The following CHD5 variants were observed in gnomAD, a reference collection of about 807,000 sequenced individuals.
CHD5 encodes the protein ATP-dependent chromatin remodeler CHD5.
A neutral mutation model predicts 230.3 loss-of-function variants in CHD5; 69 were observed. That is an observed-to-expected ratio of 0.30 (90% CI 0.25 to 0.37). The LOEUF (loss-of-function observed/expected upper bound fraction) is 0.37, where lower values mean the gene tolerates loss of function less well. Among genes scored for constraint, CHD5 ranks in the 10% least tolerant of loss-of-function variants. The pLI is 1.00. For missense variants in CHD5, 1,827 were observed against 2,622.8 expected (o/e 0.70, Z 6.63); for synonymous variants, 1,064 against 1,065.9 (o/e 1.00, Z 0.03).
rs1380168131 is a variant in CHD5, at chr1:6,129,900, T to C, written c.3387+304A>G. Among the ~76,000 whole-genome samples, 1 of 151,986 alleles carries C rather than the reference T, an allele frequency of 6.6e-6. No homozygotes were observed. The highest frequency in any genetic ancestry group is 2.4e-5 in the African/African-American group (1 of 41,360). On this transcript the variant is annotated intron_variant, in intron 22 of 41. Coordinates refer to ENST00000262450, the MANE Select transcript of CHD5 (RefSeq NM_015557.3). This position sits in a 1 kb window ranked among gnomAD's most constrained non-coding sequence, Gnocchi z 6.8. ...TTCCTGCCTCCCTCCACGGCCTTGG[T>C]CCTGAGGATGATGGGAAAGACCAGA...
At chr1:6,137,528 T>G (rs1374110706) in intron 15 of CHD5, among the ~76,000 whole-genome samples, 2 of 152,012 alleles carry the variant, frequency 1.3e-5, no homozygotes, top group Non-Finnish European at 2.9e-5. Context: ...GAGAGAGATC[T>G]CTCTATGTTA....
chr1:6,139,231 G>T (rs912909143), intron 15 of CHD5, among the ~76,000 whole-genome samples: 1 of 151,134 alleles, frequency 6.6e-6, no homozygotes, highest in Non-Finnish European at 1.5e-5. Flanking sequence ...TTGTTGTTTT[G>T]TTGTTGTTGT....
chr1:6,110,605 A>C, intron 36 of CHD5, 79 bp from the exon 37 acceptor site: 55 of 638,396 alleles, frequency 8.6e-5, no homozygotes, highest in Non-Finnish European at 1.2e-4. Context: ...AGGGAGGGGG[A>C]GGGGCCAGCC....
chr1:6,134,285 A>C lies in CHD5; in HGVS notation c.3013-26T>G. On this transcript the variant is annotated intron_variant, in intron 19 of 41. Coordinates refer to ENST00000262450, the MANE Select transcript of CHD5 (RefSeq NM_015557.3). The surrounding 1 kb of genome is among the most constrained non-coding windows in gnomAD (Gnocchi z 6.3). Reference sequence around the variant, plus strand: ...CTGCAGACACAGCAGGAGGTGGGGCATTGGTGGGCTCCCCTCTCCTCTCTG... The same window carrying C: ...CTGCAGACACAGCAGGAGGTGGGGCCTTGGTGGGCTCCCCTCTCCTCTCTG... The C allele has an allele frequency of 6.2e-7, 1 of 1,609,532 alleles. No homozygotes were observed. Among genetic ancestry groups the C allele is most frequent in the Non-Finnish European group, 8.5e-7 (1 of 1,179,624 alleles).
At chr1:6,160,686 C>T (rs1571167909) in intron 2 of CHD5, among the ~76,000 whole-genome samples, 1 of 152,280 alleles carries the variant, frequency 6.6e-6, no homozygotes, top group African/African-American at 2.4e-5. Context: ...CACAAGCCCA[C>T]CTTCCCCCTC....
intron 2 of CHD5, among the ~76,000 whole-genome samples, chr1:6,160,772 A>G (rs981560627): frequency 4.6e-5 from 7 of 152,294 alleles, no homozygotes; most frequent in African/African-American, 1.7e-4. Context: ...GGCTTCCTTG[A>G]TTTAGTTTCC....
At chr1:6,173,549 T>TC (rs1667372342) in intron 1 of CHD5, among the ~76,000 whole-genome samples, 1 of 152,064 alleles carries the variant, frequency 6.6e-6, no homozygotes, top group African/African-American at 2.4e-5. Flanking sequence ...GCAAGTCCCC[T>TC]CCCCACTGAG....
At position 6,146,762 on chromosome 1, in the gene CHD5, G is replaced by A. The variant is rs745478057; in HGVS notation, c.1493C>T (p.Pro498Leu). 8.1e-6 allele frequency: 13 copies of A among 1,607,970 alleles called. No homozygotes were observed. The Admixed American group carries it at 1.8e-4, about 23-fold the overall frequency. Reference sequence around the variant, plus strand: ...GATGCCCTCCAGGGGCTTAGGTGGAGGGAGGCTGGGCTCCACGTCAGGCCC... The same window carrying A: ...GATGCCCTCCAGGGGCTTAGGTGGAAGGAGGCTGGGCTCCACGTCAGGCCC... The part of the protein sequence containing the change: ...LPGPDVEPSL[P>L]PPKPLEGIPE... The change falls in exon 10 of 42, where the codon CCT becomes CTT. Residue 498 changes from proline (P) to leucine (L), a missense_variant. Around this residue, in one of 14 missense-constraint regions of CHD5, gnomAD observed 657 missense variants for 816.4 expected, o/e 0.80. Coordinates refer to ENST00000262450, the MANE Select transcript of CHD5 (RefSeq NM_015557.3). The surrounding 1 kb of genome is among the most constrained non-coding windows in gnomAD (Gnocchi z 5.1).
At chr1:6,156,874 G>A (rs1365029798) in intron 3 of CHD5, among the ~76,000 whole-genome samples, 2 of 152,352 alleles carry the variant, frequency 1.3e-5, no homozygotes, top group Middle Eastern at 3.4e-3. Flanking sequence ...GGGCTGGCGG[G>A]GCTCAGAAAG....
chr1:6,150,414 GTGGATGGATGGATGATAGGATGGA>G (rs1272807905), intron 7 of CHD5, among the ~76,000 whole-genome samples: 3 of 135,894 alleles, frequency 2.2e-5, no homozygotes, highest in East Asian at 2.4e-4. Context: ...GGATGGACAA[GTGGATGGATGGATGATAGGATGGA>G]TGGATGGATG....
At chr1:6,115,109 G>A (rs968607158) in intron 33 of CHD5, among the ~76,000 whole-genome samples, 1 of 151,792 alleles carries the variant, frequency 6.6e-6, no homozygotes, top group Non-Finnish European at 1.5e-5. Flanking sequence ...TCAGGAGATC[G>A]AGACCATCCT....
chr1:6,136,517 T>C lies in CHD5; in HGVS notation c.2696A>G (p.Asn899Ser), dbSNP rs1169458140. Residue 899 changes from asparagine to serine, a missense_variant and splice_region_variant, in exon 17 of 42, where the codon AAC becomes AGC. By Grantham distance (46) the Asn-to-Ser change is conservative. This residue lies in a region of CHD5 where 52 missense variants were observed against 164.5 expected (regional missense o/e 0.32). Coordinates refer to ENST00000262450, the MANE Select transcript of CHD5 (RefSeq NM_015557.3). ...LLNFLTPERF[N>S]NLEGFLEEFA... ...CCCTAGCCAGATCCAGGTGACTCAC[T>C]TGAACCTCTCTGGAGTCAGGAAGTT... 1.2e-6 allele frequency: 2 copies of C among 1,613,500 alleles called. No homozygotes were observed. The highest frequency in any genetic ancestry group is 1.7e-6 in the Non-Finnish European group (2 of 1,179,980).
At position 6,167,979 on chromosome 1, in the gene CHD5, C is replaced by T. The variant is rs1667281037; in HGVS notation, c.207+171G>A. On this transcript the variant is annotated intron_variant, in intron 2 of 41. Transcript: ENST00000262450. This position sits in a 1 kb window ranked among gnomAD's most constrained non-coding sequence, Gnocchi z 4.5. Reference sequence around the variant, plus strand: ...GCTCAGCAACGTCTTAAAAAGGCTTCCGTGCACAACGCTTCATACGAGAAA... The same window carrying T: ...GCTCAGCAACGTCTTAAAAAGGCTTTCGTGCACAACGCTTCATACGAGAAA... Among the ~76,000 whole-genome samples, 1 of 152,192 alleles carries T rather than the reference C, an allele frequency of 6.6e-6. No individual in the cohort carries two copies. Among genetic ancestry groups the T allele is most frequent in the Non-Finnish European group, 1.5e-5 (1 of 68,036 alleles).
In CHD5 at chr1:6,179,370, G is replaced by T. The variant is rs1003338614; in HGVS notation, c.79+575C>A. ...CCAGGAAAGAGGAGCAGGGGTCCGA[G>T]CCCGTGCGTCCCAGAGCGGAGTCCT... On this transcript the variant is annotated intron_variant, in intron 1 of 41. Coordinates refer to ENST00000262450, the MANE Select transcript of CHD5 (RefSeq NM_015557.3). Among the ~76,000 whole-genome samples the T allele has an allele frequency of 2.0e-4, 30 of 152,080 alleles. 1 individual carries two copies. The highest frequency in any genetic ancestry group is 7.0e-4 in the African/African-American group (29 of 41,430).
intron 33 of CHD5, among the ~76,000 whole-genome samples, chr1:6,117,192 T>C: frequency 6.6e-6 from 1 of 151,934 alleles, no homozygotes; most frequent in South Asian, 2.1e-4. Context: ...AAGTACAAAA[T>C]AAGATAACAG....
chr1:6,153,272 C>T (rs60227833), intron 5 of CHD5, among the ~76,000 whole-genome samples: 5 of 152,208 alleles, frequency 3.3e-5, no homozygotes, highest in African/African-American at 9.6e-5. Context: ...CTCATGGAAT[C>T]GATAGCTCAG....
At position 6,122,304 on chromosome 1, in the gene CHD5, G is replaced by A. The variant is rs572410078; in HGVS notation, c.4700-731C>T. On this transcript the variant is annotated intron_variant, in intron 31 of 41. Transcript: ENST00000262450. ...AATACCTAGATCACCAAAGTGACACGGGCACAAATGACCCAATTAAGTGTG... is the reference window on the plus strand; with the variant it reads ...AATACCTAGATCACCAAAGTGACACAGGCACAAATGACCCAATTAAGTGTG... Among the ~76,000 whole-genome samples the A allele has an allele frequency of 2.1e-4, 32 of 152,280 alleles. No individual in the cohort carries two copies. In the South Asian group the frequency reaches 3.7e-3, roughly 18 times the overall value.
At chr1:6,140,442 C>G (rs958950138) in intron 15 of CHD5, among the ~76,000 whole-genome samples, 1 of 151,916 alleles carries the variant, frequency 6.6e-6, no homozygotes, top group African/African-American at 2.4e-5. Context: ...TGCAGAGGCT[C>G]GGGCCCCACC....
In CHD5 at chr1:6,119,746, T is replaced by C. The variant is rs148630582; in HGVS notation, c.4912+1359A>G. Among the ~76,000 whole-genome samples, 1,459 of 150,722 alleles carry C rather than the reference T, an allele frequency of 9.7e-3. 20 individuals are homozygous for C. Among genetic ancestry groups the C allele is most frequent in the African/African-American group, 0.033 (1,371 of 41,014 alleles). On this transcript the variant is annotated intron_variant, in intron 33 of 41. Coordinates refer to ENST00000262450, the MANE Select transcript of CHD5 (RefSeq NM_015557.3). Reference sequence around the variant, plus strand: ...ATATACGTACATATATAGGTACATATGTACGTACATACGTGCGTACATACG... The same window carrying C: ...ATATACGTACATATATAGGTACATACGTACGTACATACGTGCGTACATACG...
Sources: gnomAD v4.1 joint callset for allele counts (sites outside exome capture counted in the v4.1 genomes callset) on GRCh38, gnomAD v4.1.1 for gene constraint, gnomAD v4.1.1 regional missense constraint, Gnocchi (gnomAD v3.1) non-coding constraint, MANE v1.5 for transcripts, NCBI Gene and HGNC (gene_info 2026-07-23, HGNC 2026-07-21) for gene names.